The following GRM3 variants were observed in gnomAD, a reference collection of about 807,000 sequenced individuals.
GRM3 encodes the protein metabotropic glutamate receptor 3.
Under a neutral mutation model 70.5 loss-of-function variants are expected in GRM3, and 26 were observed. That is an observed-to-expected ratio of 0.37 (90% CI 0.27 to 0.51). The LOEUF (loss-of-function observed/expected upper bound fraction) is 0.51, where lower values mean the gene tolerates loss of function less well. Among genes scored for constraint, GRM3 ranks in the 20% least tolerant of loss-of-function variants. The probability of loss-of-function intolerance (pLI) is 0.93; values close to 1 mark genes in which losing one functional copy is unlikely to be tolerated. For missense variants in GRM3, 859 were observed against 1,123.8 expected (o/e 0.76, Z 3.37); for synonymous variants, 443 against 434.9 (o/e 1.02, Z -0.23).
chr7:86,843,158 C>T (rs1156242048), intron 4 of GRM3, among the ~76,000 whole-genome samples: 2 of 152,154 alleles, frequency 1.3e-5, no homozygotes, highest in Admixed American at 6.6e-5. Flanking sequence ...ACAAACCTTC[C>T]TGATCAACTG....
intron 1 of GRM3, among the ~76,000 whole-genome samples, chr7:86,710,595 G>T (rs1240604688): frequency 7.3e-6 from 1 of 136,198 alleles, no homozygotes; most frequent in Non-Finnish European, 1.6e-5. Context: ...GCGGGTGGTG[G>T]GGAGAGAGAG....
At chr7:86,833,630 A>G (rs1254463026) in intron 3 of GRM3, among the ~76,000 whole-genome samples, 1 of 152,186 alleles carries the variant, frequency 6.6e-6, no homozygotes, top group Non-Finnish European at 1.5e-5. Flanking sequence ...CTCATTACCC[A>G]GGTCAATATT....
Position 86,839,546 on chromosome 7 carries a change from C to G in GRM3, c.2032C>G (p.Gln678Glu), listed in dbSNP as rs769046843. 1 of 1,608,232 alleles carries G rather than the reference C, an allele frequency of 6.2e-7. No homozygotes were observed. The highest frequency in any genetic ancestry group is 8.5e-7 in the Non-Finnish European group (1 of 1,176,708). ...RIFDGVKNGA[Q>E]RPKFISPSSQ... Reference sequence around the variant, plus strand: ...CTTCGATGGGGTCAAGAATGGCGCTCAGAGGCCAAAATTCATCAGCCCCAG... The same window carrying G: ...CTTCGATGGGGTCAAGAATGGCGCTGAGAGGCCAAAATTCATCAGCCCCAG... Residue 678 changes from glutamine to glutamate, a missense_variant, in exon 4 of 6, where the codon CAG becomes GAG. Physicochemically the swap from Gln to Glu is conservative, Grantham distance 29. Transcript: ENST00000361669. This position sits in a 1 kb window ranked among gnomAD's most constrained non-coding sequence, Gnocchi z 4.5.
At chr7:86,791,637 G>A (rs574150749) in intron 3 of GRM3, among the ~76,000 whole-genome samples, 1 of 152,276 alleles carries the variant, frequency 6.6e-6, no homozygotes, top group South Asian at 2.1e-4. Context: ...AGGACTCTGG[G>A]AAATTGATGT....
chr7:86,767,018 C>G (rs1796615616), intron 2 of GRM3, among the ~76,000 whole-genome samples: 1 of 151,994 alleles, frequency 6.6e-6, no homozygotes, highest in Non-Finnish European at 1.5e-5. Flanking sequence ...TGAGACCAGC[C>G]TGGCCAACAT....
intron 3 of GRM3, among the ~76,000 whole-genome samples, chr7:86,819,597 G>A (rs550132448): frequency 6.6e-6 from 1 of 152,082 alleles, no homozygotes; most frequent in East Asian, 1.9e-4. Flanking sequence ...AGGCCTAGGG[G>A]GACAAGCACA....
At chr7:86,651,956 C>T (rs1214921438) in intron 1 of GRM3, among the ~76,000 whole-genome samples, 5 of 152,294 alleles carry the variant, frequency 3.3e-5, no homozygotes, top group Middle Eastern at 3.4e-3. Context: ...AACCACATAA[C>T]GTACTAACCC....
In GRM3 at chr7:86,864,349, T is replaced by G. The variant is rs1439437930; in HGVS notation, c.2634T>G (p.Ser878=). ...AAGTCCTCGACTCCACCACCTCATC[T>G]CTGTGATTGTGAATTGCAGTTCAGT... ...GREVLDSTTS[S]L is the part of the protein sequence containing the mutation. The change falls in exon 6 of 6, where the codon TCT becomes TCG. Residue 878 remains serine, a synonymous_variant. Transcript: ENST00000361669. 2 of 1,609,570 alleles carry G rather than the reference T, an allele frequency of 1.2e-6. No individual in the cohort carries two copies. Among genetic ancestry groups the G allele is most frequent in the African/African-American group, 2.7e-5 (2 of 74,798 alleles).
chr7:86,646,309 CT>C (rs1319742906), intron 1 of GRM3, among the ~76,000 whole-genome samples: 2 of 152,024 alleles, frequency 1.3e-5, no homozygotes, highest in Non-Finnish European at 2.9e-5. Context: ...AATACTTTTC[CT>C]TTCACAATGG....
chr7:86,695,237 T>C (rs1306268431), intron 1 of GRM3, among the ~76,000 whole-genome samples: 8 of 152,198 alleles, frequency 5.3e-5, no homozygotes, highest in Non-Finnish European at 4.4e-5. Flanking sequence ...TCCATTTCCT[T>C]TCTCCTATAA....
At chr7:86,837,253 C>T (rs563125282) in intron 3 of GRM3, among the ~76,000 whole-genome samples, 1 of 152,232 alleles carries the variant, frequency 6.6e-6, no homozygotes, top group South Asian at 2.1e-4. Context: ...ATATAAAGTC[C>T]TCTTTTTACC....
Position 86,775,606 on chromosome 7 carries a change from A to T in GRM3, c.468+9993A>T, listed in dbSNP as rs117876833. The stretch of plus-strand genomic sequence containing the variant: ...AATAGCTTTTTATCTCTTAAAGAAC[A>T]AAGTTCAAAATACTTATAATTGTAT... On this transcript the variant is annotated intron_variant, in intron 2 of 5. Coordinates refer to ENST00000361669, the MANE Select transcript of GRM3 (RefSeq NM_000840.3). Among the ~76,000 whole-genome samples the T allele has an allele frequency of 7.9e-3, 1,201 of 152,236 alleles. 17 individuals carry two copies. The highest frequency in any genetic ancestry group is 7.5e-3 in the Non-Finnish European group (508 of 68,000).
chr7:86,778,298 A>C (rs931856229), intron 2 of GRM3, among the ~76,000 whole-genome samples: 1 of 152,186 alleles, frequency 6.6e-6, no homozygotes, highest in Admixed American at 6.5e-5. Flanking sequence ...AAAACTATTT[A>C]TTATTGTTCC....
chr7:86,860,391 C>G (rs1385678591), intron 5 of GRM3, among the ~76,000 whole-genome samples: 1 of 152,090 alleles, frequency 6.6e-6, no homozygotes, highest in Non-Finnish European at 1.5e-5. Context: ...CTACTATATT[C>G]AACAGCATGT....
In GRM3 at chr7:86,644,011, G is replaced by C. The variant is rs1793392682; in HGVS notation, c.-1002G>C. 6.5e-6 allele frequency: 1 copy of C among 152,924 alleles called. No individual in the cohort carries two copies. Among genetic ancestry groups the C allele is most frequent in the African/African-American group, 2.4e-5 (1 of 41,506 alleles). 9.5% of individuals were successfully genotyped at this position (152,924 alleles called of 1,614,324 possible). ...GCTCTCCTAATCTCCTCTGGCATGC[G>C]GTCAGCCCCCTGCCCAGGGACCACA... is the stretch of plus-strand genomic sequence containing the variant. On this transcript the variant is annotated 5_prime_UTR_variant, in exon 1 of 6. Transcript: ENST00000361669.
chr7:86,802,273 C>T (rs529806456), intron 3 of GRM3, among the ~76,000 whole-genome samples: 3 of 151,828 alleles, frequency 2.0e-5, no homozygotes, highest in South Asian at 2.1e-4. Context: ...CATTATTTTC[C>T]GCTCCTGCTT....
chr7:86,766,673 T>C (rs1167563253), intron 2 of GRM3, among the ~76,000 whole-genome samples: 1 of 152,140 alleles, frequency 6.6e-6, no homozygotes, highest in Non-Finnish European at 1.5e-5. Flanking sequence ...CCCCATGTGA[T>C]ATTTATATGT....
rs1349722773 is a variant in GRM3, at chr7:86,786,863, A to C, written c.1071A>C (p.Gln357His). Residue 357 changes from glutamine (Q) to histidine (H), a missense_variant, in exon 3 of 6, where the codon CAA becomes CAC. Gln to His is a conservative substitution (Grantham distance 24). Coordinates refer to ENST00000361669, the MANE Select transcript of GRM3 (RefSeq NM_000840.3). The surrounding 1 kb of genome is among the most constrained non-coding windows in gnomAD (Gnocchi z 6.0). The stretch of plus-strand genomic sequence containing the variant: ...CCTGGTTCCGGGACTTCTGGGAGCA[A>C]AAGTTTCAGTGCAGCCTCCAGAACA... ...RNPWFRDFWEQKFQCSLQNKR... is the reference protein window; with the variant it reads ...RNPWFRDFWEHKFQCSLQNKR... 6.2e-7 allele frequency: 1 copy of C among 1,614,224 alleles called. No homozygotes were observed. The highest frequency in any genetic ancestry group is 2.2e-5 in the East Asian group (1 of 44,874).
At chr7:86,776,554 C>T (rs1292507230) in intron 2 of GRM3, among the ~76,000 whole-genome samples, 3 of 151,968 alleles carry the variant, frequency 2.0e-5, no homozygotes, top group Non-Finnish European at 4.4e-5. Flanking sequence ...GGCTATAGCC[C>T]TCAGCTATCC....
Sources: allele counts gnomAD v4.1 joint callset (sites outside exome capture counted in the v4.1 genomes callset), GRCh38; gene constraint gnomAD v4.1.1; non-coding constraint Gnocchi (gnomAD v3.1); transcripts MANE v1.5; gene names NCBI Gene and HGNC (gene_info 2026-07-23, HGNC 2026-07-21).